The following RUNX1 variants were observed in gnomAD, a reference collection of about 807,000 sequenced individuals.
The protein encoded by RUNX1 is runt-related transcription factor 1.
A neutral mutation model predicts 42.8 loss-of-function variants in RUNX1; 19 were observed. The observed-to-expected ratio is 0.44, with a 90% CI of 0.31 to 0.65. The LOEUF (loss-of-function observed/expected upper bound fraction) is 0.65, where lower values mean the gene tolerates loss of function less well. Ranked by LOEUF, RUNX1 falls within the 30% of genes least tolerant of loss-of-function variation. RUNX1 has a pLI of 0.07. For missense variants in RUNX1, 528 were observed against 672.0 expected, an observed-to-expected ratio of 0.79 and a Z score of 2.37; for synonymous variants, 271 against 289.4, an observed-to-expected ratio of 0.94 and a Z score of 0.64.
intron 2 of RUNX1, among the ~76,000 whole-genome samples, chr21:35,045,882 G>A (rs1681281402): frequency 1.3e-5 from 2 of 152,202 alleles, no homozygotes; most frequent in East Asian, 1.9e-4. Context: ...GCAGGGAGTC[G>A]GTCTCGCTGA....
chr21:35,001,350 C>T (rs1238018581), intron 2 of RUNX1, among the ~76,000 whole-genome samples: 1 of 148,442 alleles, frequency 6.7e-6, no homozygotes, highest in South Asian at 2.1e-4. Context: ...ATATAACATA[C>T]AGTTTGACAT....
At chr21:35,046,193 G>A (rs2059394951) in intron 2 of RUNX1, among the ~76,000 whole-genome samples, 1 of 152,124 alleles carries the variant, frequency 6.6e-6, no homozygotes. Flanking sequence ...CTGGTGTGGT[G>A]TGATAGAAAA....
chr21:34,889,887 T>C, intron 3 of RUNX1: 1 of 1,051,948 alleles, frequency 9.5e-7, no homozygotes, highest in South Asian at 4.1e-5. Flanking sequence ...TCCCGGGGCC[T>C]CTCATCCACC....
At chr21:34,847,307 A>G (rs904165028) in intron 6 of RUNX1, among the ~76,000 whole-genome samples, 4 of 152,114 alleles carry the variant, frequency 2.6e-5, no homozygotes, top group Non-Finnish European at 5.9e-5. Context: ...AAAAGGTAAA[A>G]TTTCTAAAAG....
Position 34,993,820 on chromosome 21 carries a change from TACACAGACACAC to T in RUNX1, c.58+55010_58+55021del, listed in dbSNP as rs1458447829. ...ACACACACAGACACACACACACACATACACAGACACACACACAGACACACACACACACGGGTA... is the reference window on the plus strand; with the variant it reads ...ACACACACAGACACACACACACACATACACAGACACACACACACACGGGTA... On this transcript the variant is annotated intron_variant, in intron 2 of 8. Coordinates refer to ENST00000675419, the MANE Select transcript of RUNX1 (RefSeq NM_001754.5). Among the ~76,000 whole-genome samples, 353 of 109,570 alleles carry T rather than the reference TACACAGACACAC, an allele frequency of 3.2e-3. 2 individuals are homozygous for T. The highest frequency in any genetic ancestry group is 0.012 in the African/African-American group (337 of 28,564). 71.9% of individuals were successfully genotyped at this position (109,570 alleles called of 152,430 possible).
chr21:34,873,465 T>G (rs1363543500), intron 5 of RUNX1, among the ~76,000 whole-genome samples: 2 of 152,220 alleles, frequency 1.3e-5, no homozygotes, highest in South Asian at 4.1e-4. Flanking sequence ...TTAATCTAAG[T>G]TGAGAAATAA....
intron 2 of RUNX1, among the ~76,000 whole-genome samples, chr21:35,044,810 C>T (rs927589690): frequency 2.0e-5 from 3 of 152,214 alleles, no homozygotes; most frequent in African/African-American, 7.2e-5. Context: ...GCACATCTTT[C>T]GGATCTATTT....
chr21:35,046,443 A>G (rs991840459), intron 2 of RUNX1, among the ~76,000 whole-genome samples: 1 of 152,212 alleles, frequency 6.6e-6, no homozygotes, highest in African/African-American at 2.4e-5. Flanking sequence ...CTTTCGGCTC[A>G]CAGTTGCCGT....
chr21:34,842,655 C>A (rs1282125344), intron 6 of RUNX1, among the ~76,000 whole-genome samples: 1 of 152,060 alleles, frequency 6.6e-6, no homozygotes, highest in Non-Finnish European at 1.5e-5. Context: ...GTAGTGAGTA[C>A]CCTCTCACAC....
At chr21:34,982,397 G>GGTGTGTGTGTGTGT (rs56091299) in intron 2 of RUNX1, among the ~76,000 whole-genome samples, 22,801 of 148,102 alleles carry the variant, frequency 0.15, 1,839 homozygotes, top group South Asian at 0.2. Flanking sequence ...AGTCAAAAGG[G>GGTGTGTGTGTGTGT]GTGTGTGTGT....
chr21:34,860,985 T>G (rs112390967), intron 5 of RUNX1, among the ~76,000 whole-genome samples: 58 of 152,306 alleles, frequency 3.8e-4, no homozygotes, highest in African/African-American at 1.4e-3. Flanking sequence ...CTCTGCCCAT[T>G]GTGCCTTTAT....
intron 6 of RUNX1, among the ~76,000 whole-genome samples, chr21:34,835,204 C>G (rs575400963): frequency 1.3e-5 from 2 of 152,128 alleles, no homozygotes; most frequent in Non-Finnish European, 2.9e-5. Flanking sequence ...CTCTCCCTCT[C>G]CCTCTCCTCA....
chr21:34,922,460 T>A (rs1402342751), intron 2 of RUNX1, among the ~76,000 whole-genome samples: 1 of 152,200 alleles, frequency 6.6e-6, no homozygotes, highest in Non-Finnish European at 1.5e-5. Flanking sequence ...CAAGGTCACA[T>A]ACCTAGTAAG....
intron 5 of RUNX1, among the ~76,000 whole-genome samples, chr21:34,873,358 C>T (rs2146317104): frequency 6.6e-6 from 1 of 152,290 alleles, no homozygotes; most frequent in South Asian, 2.1e-4. Flanking sequence ...ACAGGCACGT[C>T]CTTGGGATAG....
intron 2 of RUNX1, among the ~76,000 whole-genome samples, chr21:35,024,120 C>T (rs1258732835): frequency 6.6e-6 from 1 of 152,160 alleles, no homozygotes; most frequent in Non-Finnish European, 1.5e-5. Flanking sequence ...TGTTTGTTTA[C>T]GTTCTGGTCA....
chr21:34,982,121 A>G (rs2058850828), intron 2 of RUNX1, among the ~76,000 whole-genome samples: 1 of 152,194 alleles, frequency 6.6e-6, no homozygotes, highest in Non-Finnish European at 1.5e-5. Context: ...GCCTTTGTCC[A>G]TTTCCTGCCT....
chr21:34,826,676 C>T (rs1236746132), intron 7 of RUNX1, among the ~76,000 whole-genome samples: 1 of 151,998 alleles, frequency 6.6e-6, no homozygotes, highest in East Asian at 1.9e-4. Flanking sequence ...AACTCCCGAC[C>T]TCAAGTGATC....
At chr21:34,952,222 G>C (rs1053993392) in intron 2 of RUNX1, among the ~76,000 whole-genome samples, 8 of 152,090 alleles carry the variant, frequency 5.3e-5, no homozygotes, top group Non-Finnish European at 1.0e-4. Context: ...ACCGGGGCCT[G>C]TCGGGGGATG....
chr21:34,926,093 TTTTGC>T (rs1371705058), intron 2 of RUNX1, among the ~76,000 whole-genome samples: 2 of 152,142 alleles, frequency 1.3e-5, no homozygotes, highest in African/African-American at 4.8e-5. Context: ...TTGATTAACC[TTTTGC>T]TTTAATTATA....
Sources: gnomAD v4.1 joint callset for allele counts (sites outside exome capture counted in the v4.1 genomes callset) on GRCh38, gnomAD v4.1.1 for gene constraint, MANE v1.5 for transcripts, NCBI Gene and HGNC (gene_info 2026-07-23, HGNC 2026-07-21) for gene names.